The following ZMYND11 variants were observed in gnomAD, a reference collection of about 807,000 sequenced individuals.
ZMYND11 encodes the protein zinc finger MYND-type containing 11.
ZMYND11 carries 9 observed loss-of-function variants against 84.9 expected under a neutral mutation model. The observed-to-expected ratio is 0.11, with a 90% confidence interval of 0.06 to 0.18. The LOEUF is 0.18. Among genes scored for constraint, ZMYND11 ranks in the 10% least tolerant of loss-of-function variants. ZMYND11 has a pLI of 1.00. For missense variants in ZMYND11, 409 were observed against 761.0 expected, an observed-to-expected ratio of 0.54 and a Z score of 5.44; for synonymous variants, 250 against 244.1, an observed-to-expected ratio of 1.02 and a Z score of -0.23.
intron 2 of ZMYND11, 42 bp downstream of exon 2, chr10:180,170 G>C: frequency 6.4e-7 from 1 of 1,550,820 alleles, no homozygotes; most frequent in Non-Finnish European, 8.8e-7. Flanking sequence ...AAATGTCGTA[G>C]AAGACTTTGG....
chr10:249,624 G>T (rs1001265818), intron 14 of ZMYND11: 2 of 985,174 alleles, frequency 2.0e-6, no homozygotes, highest in African/African-American at 3.5e-5. Context: ...TGTCCTGCTC[G>T]CCAGTCTCAT....
intron 2 of ZMYND11, among the ~76,000 whole-genome samples, chr10:205,483 A>C (rs1328544998): frequency 6.6e-6 from 1 of 152,094 alleles, no homozygotes; most frequent in African/African-American, 2.4e-5. Flanking sequence ...TGAGGCTGAG[A>C]GTTTGAGACC....
chr10:136,506 A>G (rs1395574017), intron 1 of ZMYND11, among the ~76,000 whole-genome samples: 1 of 152,084 alleles, frequency 6.6e-6, no homozygotes, highest in African/African-American at 2.4e-5. Context: ...ACCGGCTATC[A>G]TACACGGTGT....
chr10:202,918 G>T (rs998130500), intron 2 of ZMYND11, among the ~76,000 whole-genome samples: 2 of 151,924 alleles, frequency 1.3e-5, no homozygotes, highest in African/African-American at 4.8e-5. Context: ...CCCATTGTGT[G>T]GTGAAAGTCT....
intron 1 of ZMYND11, among the ~76,000 whole-genome samples, chr10:147,127 T>A (rs374383048): frequency 1.3e-5 from 2 of 152,260 alleles, no homozygotes; most frequent in Admixed American, 6.5e-5. Context: ...CTGAATTCAT[T>A]TATCAAATCT....
chr10:210,671 TCTG>T (rs1306471534), intron 3 of ZMYND11, among the ~76,000 whole-genome samples: 11 of 152,226 alleles, frequency 7.2e-5, no homozygotes, highest in East Asian at 1.9e-4. Flanking sequence ...GATATTTTAA[TCTG>T]CTTCTCTTTC....
intron 6 of ZMYND11, among the ~76,000 whole-genome samples, chr10:238,212 G>A (rs1005021552): frequency 2.6e-5 from 4 of 152,198 alleles, no homozygotes; most frequent in Non-Finnish European, 4.4e-5. Context: ...ACATCCAGTA[G>A]AACACGTAGA....
At chr10:241,020 TTATTTCCAGTTTGGTTAAAGATTA>T (rs766659429) in intron 9 of ZMYND11, 50 bp downstream of exon 9, 1 of 1,409,338 alleles carries the variant, frequency 7.1e-7, no homozygotes. Context: ...CTAAGGAAGT[TTATTTCCAGTTTGGTTAAAGATTA>T]TAATTTTCTT....
chr10:204,078 G>A (rs1056411470), intron 2 of ZMYND11, among the ~76,000 whole-genome samples: 1 of 151,952 alleles, frequency 6.6e-6, no homozygotes, highest in Non-Finnish European at 1.5e-5. Context: ...TTCCTTGTAT[G>A]TGTGTTATTT....
At chr10:222,452 C>A (rs1453175960) in intron 4 of ZMYND11, among the ~76,000 whole-genome samples, 2 of 152,130 alleles carry the variant, frequency 1.3e-5, no homozygotes, top group Non-Finnish European at 2.9e-5. Flanking sequence ...CCAAATAAGT[C>A]ATGTCAGTTC....
intron 14 of ZMYND11, among the ~76,000 whole-genome samples, chr10:251,234 G>T (rs1352242071): frequency 1.3e-5 from 2 of 152,160 alleles, no homozygotes; most frequent in Non-Finnish European, 2.9e-5. Context: ...TGGTGGTGCT[G>T]TGTAAAGTCT....
At chr10:226,476 T>A (rs1948153445) in intron 4 of ZMYND11, among the ~76,000 whole-genome samples, 1 of 152,242 alleles carries the variant, frequency 6.6e-6, no homozygotes, top group South Asian at 2.1e-4. Flanking sequence ...AATATGTGCA[T>A]GTTTCTTACA....
chr10:252,435 G>A lies in ZMYND11; in HGVS notation c.1774G>A (p.Ala592Thr), dbSNP rs776644604. 8 of 1,613,184 alleles carry A rather than the reference G, an allele frequency of 5.0e-6. No homozygotes were observed. The highest frequency in any genetic ancestry group is 1.6e-4 in the Middle Eastern group (1 of 6,084). ...SIKCQQEHWH[A>T]EHKRTCRRKR is the part of the protein sequence containing the mutation. ...CAAGTGCCAGCAGGAGCACTGGCAC[G>A]CGGAGCACAAGCGCACCTGCCGCCG... Residue 592 changes from alanine (A) to threonine (T), a missense_variant, in exon 15 of 15, where the codon GCG (alanine) becomes ACG (threonine). Physicochemically the swap from Ala to Thr is moderately conservative, Grantham distance 58. Coordinates refer to ENST00000381604, the MANE Select transcript of ZMYND11 (RefSeq NM_001370100.5). This position sits in a 1 kb window ranked among gnomAD's most constrained non-coding sequence, Gnocchi z 4.6.
intron 9 of ZMYND11, among the ~76,000 whole-genome samples, chr10:241,580 A>C (rs1201306516): frequency 6.6e-6 from 1 of 152,370 alleles, no homozygotes; most frequent in East Asian, 1.9e-4. Flanking sequence ...CCCCAAAATA[A>C]TACAGCTTCA....
At chr10:130,538 A>G (rs1190037616), upstream of ZMYND11, among the ~76,000 whole-genome samples, 1 of 152,220 alleles carries the variant, frequency 6.6e-6, no homozygotes, top group African/African-American at 2.4e-5. Flanking sequence ...ATAATTTTAC[A>G]TGCATTTTCT....
chr10:195,971 G>A (rs1941630140), intron 2 of ZMYND11, among the ~76,000 whole-genome samples: 1 of 152,198 alleles, frequency 6.6e-6, no homozygotes, highest in African/African-American at 2.4e-5. Flanking sequence ...AAGGACAGCG[G>A]GTCATATAAC....
chr10:241,476 C>T (rs930207626), intron 9 of ZMYND11, among the ~76,000 whole-genome samples: 4 of 152,096 alleles, frequency 2.6e-5, no homozygotes, highest in South Asian at 2.1e-4. Flanking sequence ...CCACACCCAG[C>T]GTCTGGGTCC....
chr10:213,622 C>A (rs142155537), intron 3 of ZMYND11, among the ~76,000 whole-genome samples: 1 of 151,518 alleles, frequency 6.6e-6, no homozygotes, highest in African/African-American at 2.4e-5. Flanking sequence ...CTTCTGTTAT[C>A]TCTAAAAATT....
chr10:158,534 A>T (rs1213621079), intron 1 of ZMYND11, among the ~76,000 whole-genome samples: 2 of 150,122 alleles, frequency 1.3e-5, no homozygotes, highest in Non-Finnish European at 3.0e-5. Context: ...CCTTGACTTC[A>T]GCCTCCTGAG....
Sources: allele counts gnomAD v4.1 joint callset (sites outside exome capture counted in the v4.1 genomes callset), GRCh38; gene constraint gnomAD v4.1.1; non-coding constraint Gnocchi (gnomAD v3.1); transcripts MANE v1.5; gene names NCBI Gene and HGNC (gene_info 2026-07-23, HGNC 2026-07-21).